PPM1A: variants seen among roughly 807,000 people sequenced by gnomAD.
PPM1A encodes the protein protein phosphatase 1A.
A neutral mutation model predicts 35.0 loss-of-function variants in PPM1A; 7 were observed. The ratio of observed to expected loss-of-function variants is 0.20; its 90% CI spans 0.11 to 0.38. PPM1A has a LOEUF of 0.38. PPM1A is among the 10% of genes least tolerant of loss of function. PPM1A has a pLI of 1.00. For synonymous variants in PPM1A, 153 were observed against 167.3 expected, an observed-to-expected ratio of 0.91 and a Z score of 0.66; for missense variants, 239 against 467.8, an observed-to-expected ratio of 0.51 and a Z score of 4.51.
At chr14:60,248,368 G>A (rs1881927689), upstream of PPM1A, among the ~76,000 whole-genome samples, 1 of 152,240 alleles carries the variant, frequency 6.6e-6, no homozygotes, top group South Asian at 2.1e-4. Flanking sequence ...ACAGAACCAC[G>A]TGATTATCTA....
Position 60,292,730 on chromosome 14 carries a change from G to A in PPM1A, c.*248G>A, listed in dbSNP as rs1403629507. 1.9e-5 allele frequency: 7 copies of A among 369,084 alleles called. No homozygotes were observed. The highest frequency in any genetic ancestry group is 2.9e-5 in the Non-Finnish European group (6 of 206,650). The allele number at this position is 369,084 out of a possible 1,614,324, so 22.9% of individuals were successfully genotyped here. ...AATTCGTGTTGTAAATCAGACTCCA[G>A]CAATTTTTGTTGTATGATTTTGTTT... On this transcript the variant is annotated 3_prime_UTR_variant, in exon 6 of 6. Transcript: ENST00000395076. This position sits in a 1 kb window ranked among gnomAD's most constrained non-coding sequence, Gnocchi z 4.2.
intron 1 of PPM1A, among the ~76,000 whole-genome samples, chr14:60,258,383 G>A (rs893820391): frequency 6.6e-6 from 1 of 152,064 alleles, no homozygotes; most frequent in African/African-American, 2.4e-5. Flanking sequence ...ATCCATGAAT[G>A]TTGAATGAAT....
upstream of PPM1A, among the ~76,000 whole-genome samples, chr14:60,248,196 G>A (rs1051417762): frequency 1.3e-5 from 2 of 152,180 alleles, no homozygotes; most frequent in Admixed American, 6.5e-5. Context: ...TTTCCAGCTA[G>A]CTAAACTGGA....
chr14:60,294,772 A>G lies in PPM1A; in HGVS notation c.*2290A>G. Reference sequence around the variant, plus strand: ...TTAAAATATTCCTGTCAAAATTATTAGTATTGAAATTAGGCTTGGACACGA... The same window carrying G: ...TTAAAATATTCCTGTCAAAATTATTGGTATTGAAATTAGGCTTGGACACGA... On this transcript the variant is annotated 3_prime_UTR_variant, in exon 6 of 6. Coordinates refer to ENST00000395076, the MANE Select transcript of PPM1A (RefSeq NM_021003.5). 1 of 151,728 alleles carries G rather than the reference A, an allele frequency of 6.6e-6. No individual in the cohort carries two copies. The highest frequency in any genetic ancestry group is 1.5e-5 in the Non-Finnish European group (1 of 67,752). The allele number at this position is 151,728 out of a possible 1,614,324, so 9.4% of individuals were successfully genotyped here.
chr14:60,246,049 A>G, upstream of PPM1A: 2 of 1,571,454 alleles, frequency 1.3e-6, no homozygotes, highest in Non-Finnish European at 8.6e-7. Context: ...TGAAACAGGT[A>G]GTGAGGGAGG....
intron 4 of PPM1A, among the ~76,000 whole-genome samples, chr14:60,290,973 A>G (rs1011727691): frequency 6.6e-6 from 1 of 152,136 alleles, no homozygotes; most frequent in Non-Finnish European, 1.5e-5. Context: ...TGAAAAGGGC[A>G]TTAAGAAAAG....
In PPM1A at chr14:60,296,827, TCCA is replaced by T. The variant is rs933210912; in HGVS notation, c.*4346_*4348del. 15 of 319,310 alleles carry T rather than the reference TCCA, an allele frequency of 4.7e-5. 1 individual carries two copies. Among genetic ancestry groups the T allele is most frequent in the African/African-American group, 3.0e-4 (14 of 47,256 alleles). The allele number at this position is 319,310 out of a possible 1,614,324, so 19.8% of individuals were successfully genotyped here. A position where few individuals can be genotyped will look rare whatever the true frequency, so the allele number is the denominator to read the frequency against. On this transcript the variant is annotated 3_prime_UTR_variant, in exon 6 of 6. Transcript: ENST00000395076. The surrounding 1 kb of genome is among the most constrained non-coding windows in gnomAD (Gnocchi z 4.4). ...AATAGAAATGATGAGAGGCATTGGT[TCCA>T]ATTCATTGTCAAATGAACGTTTTCT...
At chr14:60,288,833 T>G (rs1003543014) in intron 3 of PPM1A, among the ~76,000 whole-genome samples, 3 of 152,072 alleles carry the variant, frequency 2.0e-5, no homozygotes, top group African/African-American at 7.2e-5. Context: ...CCATAAACAT[T>G]GAAAAACAAA....
Position 60,277,178 on chromosome 14 carries a change from C to T in PPM1A, c.-20-5506C>T, listed in dbSNP as rs183416861. 1.9e-3 allele frequency: 629 copies of T among 324,606 alleles called. 7 individuals are homozygous for T. The highest frequency in any genetic ancestry group is 0.013 in the African/African-American group (588 of 44,894). 20.1% of individuals were successfully genotyped at this position (324,606 alleles called of 1,614,324 possible). The stretch of plus-strand genomic sequence containing the variant: ...TTGGGATTTACTATTTATGGATATA[C>T]GCCAATTTAATTATTGGACTAAATA... On this transcript the variant is annotated intron_variant, in intron 1 of 5. Coordinates refer to ENST00000395076, the MANE Select transcript of PPM1A (RefSeq NM_021003.5).
chr14:60,249,500 G>A lies in PPM1A; in HGVS notation c.-198G>A, dbSNP rs1485642891. On this transcript the variant is annotated 5_prime_UTR_variant, in exon 1 of 6. Transcript: ENST00000395076. This position sits in a 1 kb window ranked among gnomAD's most constrained non-coding sequence, Gnocchi z 4.5. The stretch of plus-strand genomic sequence containing the variant: ...GCCGCGAGGGCGCCGACAGCCGGGG[G>A]CCCGGACGCAGCCCGGCTCCTCCCC... 11 of 985,310 alleles carry A rather than the reference G, an allele frequency of 1.1e-5. No individual in the cohort carries two copies. Among genetic ancestry groups the A allele is most frequent in the Non-Finnish European group, 1.2e-5 (10 of 829,930 alleles). 61.0% of individuals were successfully genotyped at this position (985,310 alleles called of 1,614,324 possible).
intron 1 of PPM1A, among the ~76,000 whole-genome samples, chr14:60,279,944 G>T (rs1006128227): frequency 2.6e-5 from 4 of 152,086 alleles, no homozygotes; most frequent in Middle Eastern, 3.4e-3. Context: ...TATACTTTGT[G>T]CACTGTATAC....
chr14:60,249,009 G>C (rs1361140313), upstream of PPM1A, among the ~76,000 whole-genome samples: 1 of 152,166 alleles, frequency 6.6e-6, no homozygotes, highest in African/African-American at 2.4e-5. The surrounding 1 kb of genome is among the most constrained non-coding windows in gnomAD (Gnocchi z 4.5). Flanking sequence ...AGCAGCGGCA[G>C]AGAAAGAAGC....
At chr14:60,284,058 G>C (rs1886680998) in intron 2 of PPM1A, among the ~76,000 whole-genome samples, 3 of 152,288 alleles carry the variant, frequency 2.0e-5, no homozygotes, top group African/African-American at 7.2e-5. Flanking sequence ...ACTGTGTATG[G>C]TTTTAGGTAA....
chr14:60,251,156 A>G (rs1882366060), intron 1 of PPM1A, among the ~76,000 whole-genome samples: 1 of 152,228 alleles, frequency 6.6e-6, no homozygotes, highest in African/African-American at 2.4e-5. Flanking sequence ...ATTACTTTTA[A>G]CCTGGAAGTT....
At chr14:60,268,028 A>C (rs2139424844) in intron 1 of PPM1A, among the ~76,000 whole-genome samples, 1 of 152,250 alleles carries the variant, frequency 6.6e-6, no homozygotes, top group African/African-American at 2.4e-5. Flanking sequence ...TTTAACATTC[A>C]TACAATACTA....
intron 1 of PPM1A, among the ~76,000 whole-genome samples, chr14:60,255,202 C>T (rs1258428873): frequency 6.3e-5 from 8 of 127,614 alleles, no homozygotes; most frequent in African/African-American, 1.8e-4. Context: ...GACAGAGTCT[C>T]GCTCTGTCGC....
chr14:60,287,283 A>T (rs1262890061), intron 3 of PPM1A: 8 of 981,458 alleles, frequency 8.2e-6, no homozygotes, highest in Non-Finnish European at 9.7e-6. Flanking sequence ...ATCAAGCAAG[A>T]GTTGCCACCT....
At chr14:60,276,069 A>G (rs953232339) in intron 1 of PPM1A, among the ~76,000 whole-genome samples, 1 of 152,190 alleles carries the variant, frequency 6.6e-6, no homozygotes, top group African/African-American at 2.4e-5. Flanking sequence ...GGTATGCAGT[A>G]TATTGCTTAA....
At position 60,249,727 on chromosome 14, in the gene PPM1A, G is replaced by T. The variant is rs1183800441; in HGVS notation, c.-21+50G>T. The T allele has an allele frequency of 1.0e-6, 1 of 972,530 alleles. No individual in the cohort carries two copies. Among genetic ancestry groups the T allele is most frequent in the Non-Finnish European group, 1.2e-6 (1 of 819,354 alleles). The allele number at this position is 972,530 out of a possible 1,614,324, so 60.2% of individuals were successfully genotyped here. A position where few individuals can be genotyped will look rare whatever the true frequency, so the allele number is the denominator to read the frequency against. On this transcript the variant is annotated intron_variant, in intron 1 of 5. Transcript: ENST00000395076. The surrounding 1 kb of genome is among the most constrained non-coding windows in gnomAD (Gnocchi z 4.5). ...GCGGGCTGGCGGGCGGTGCGGGCCTGCGCGGCGGCGGCGGCGGGCAGGCCT... is the reference window on the plus strand; with the variant it reads ...GCGGGCTGGCGGGCGGTGCGGGCCTTCGCGGCGGCGGCGGCGGGCAGGCCT...
Sources: gnomAD v4.1 joint callset for allele counts (sites outside exome capture counted in the v4.1 genomes callset) on GRCh38, gnomAD v4.1.1 for gene constraint, Gnocchi (gnomAD v3.1) non-coding constraint, MANE v1.5 for transcripts, NCBI Gene and HGNC (gene_info 2026-07-23, HGNC 2026-07-21) for gene names.